Variants in GFRAL observed in about 807,000 individuals in gnomAD.
The protein encoded by GFRAL is GDNF family receptor alpha-like.
Under a neutral mutation model 45.4 loss-of-function variants are expected in GFRAL, and 36 were observed. That is an observed-to-expected ratio of 0.79 (90% confidence interval 0.61 to 1.05). GFRAL has a LOEUF of 1.05. Among genes scored for constraint, GFRAL ranks in the 50% least tolerant of loss-of-function variants. The pLI is 0.00. For synonymous variants in GFRAL, 166 were observed against 154.1 expected, an observed-to-expected ratio of 1.08 and a Z score of -0.57; for missense variants, 507 against 467.5, an observed-to-expected ratio of 1.08 and a Z score of -0.78.
intron 3 of GFRAL, among the ~76,000 whole-genome samples, chr6:55,338,749 T>G (rs1009452418): frequency 6.6e-6 from 1 of 152,134 alleles, no homozygotes; most frequent in Non-Finnish European, 1.5e-5. Flanking sequence ...GGGGAGCATT[T>G]GGGGAGCAAC....
chr6:55,346,177 C>G (rs1229627470), intron 3 of GFRAL, among the ~76,000 whole-genome samples: 1 of 152,116 alleles, frequency 6.6e-6, no homozygotes, highest in African/African-American at 2.4e-5. Context: ...TTGACCCAAC[C>G]ATCCCATTAC....
intron 8 of GFRAL, among the ~76,000 whole-genome samples, chr6:55,401,181 T>A (rs1357887680): frequency 1.3e-5 from 2 of 152,204 alleles, no homozygotes; most frequent in African/African-American, 2.4e-5. Flanking sequence ...TTATTCATAC[T>A]ATTAAATATA....
chr6:55,384,304 ACAATAAAACATCCCCAGACT>A (rs1768652241), intron 6 of GFRAL, among the ~76,000 whole-genome samples: 1 of 151,964 alleles, frequency 6.6e-6, no homozygotes, highest in Non-Finnish European at 1.5e-5. Context: ...TTATCCCCAC[ACAATAAAACATCCCCAGACT>A]CAAGAGAAAG....
intron 6 of GFRAL, among the ~76,000 whole-genome samples, chr6:55,380,714 C>T (rs1768597190): frequency 6.6e-6 from 1 of 151,926 alleles, no homozygotes; most frequent in Admixed American, 6.6e-5. Context: ...GCCTGCTTCA[C>T]TCCAGTGCCC....
intron 6 of GFRAL, among the ~76,000 whole-genome samples, chr6:55,372,713 CTT>C (rs1768468262): frequency 6.6e-6 from 1 of 152,178 alleles, no homozygotes; most frequent in African/African-American, 2.4e-5. Context: ...CACGGCCACA[CTT>C]ATCTCCAGGG....
chr6:55,333,942 CAGGT>C lies in GFRAL; in HGVS notation c.316_316+3del. On this transcript the variant is annotated splice_donor_variant and coding_sequence_variant, in exon 3 of 9. Transcript: ENST00000340465. LOFTEE classifies it high-confidence loss of function. ...CTTGGAAAAAAATGTATCAATAAAT[CAGGT>C]AATATTTTGTTTTAAGAAATGTTTA... 8 of 1,509,422 alleles carry C rather than the reference CAGGT, an allele frequency of 5.3e-6. No individual in the cohort carries two copies. The highest frequency in any genetic ancestry group is 7.1e-6 in the Non-Finnish European group (8 of 1,121,020). The allele number at this position is 1,509,422 out of a possible 1,614,324, so 93.5% of individuals were successfully genotyped here. A position where few individuals can be genotyped will look rare whatever the true frequency, so the allele number is the denominator to read the frequency against.
intron 6 of GFRAL, among the ~76,000 whole-genome samples, chr6:55,378,330 C>A (rs1768561963): frequency 6.6e-6 from 1 of 152,044 alleles, no homozygotes; most frequent in Admixed American, 6.6e-5. Context: ...GCATCACTAC[C>A]TCTTTCAAGT....
At chr6:55,332,127 A>G (rs115643553) in intron 2 of GFRAL, among the ~76,000 whole-genome samples, 1,988 of 152,272 alleles carry the variant, frequency 0.013, 23 homozygotes, top group Non-Finnish European at 0.022. Context: ...AATTTTATGC[A>G]TTCTTCTGAG....
chr6:55,376,384 A>AG (rs1249442708), intron 6 of GFRAL, among the ~76,000 whole-genome samples: 2 of 152,134 alleles, frequency 1.3e-5, no homozygotes, highest in East Asian at 3.9e-4. Context: ...AGAGTAAGTT[A>AG]GGGAGGAGTC....
intron 3 of GFRAL, among the ~76,000 whole-genome samples, chr6:55,346,076 C>A (rs1768037293): frequency 2.0e-5 from 3 of 152,306 alleles, no homozygotes; most frequent in Admixed American, 2.0e-4. Context: ...AATAGGAACA[C>A]TTTTACACTG....
intron 3 of GFRAL, among the ~76,000 whole-genome samples, chr6:55,348,757 C>T (rs780748391): frequency 3.9e-5 from 6 of 152,042 alleles, no homozygotes; most frequent in South Asian, 2.1e-4. Context: ...TAACTGCACA[C>T]GGAGATTATG....
At chr6:55,369,320 C>G in intron 6 of GFRAL, among the ~76,000 whole-genome samples, 1 of 152,164 alleles carries the variant, frequency 6.6e-6, no homozygotes, top group Non-Finnish European at 1.5e-5. Flanking sequence ...GTGCGCGCAC[C>G]CACTGACCTG....
At chr6:55,359,811 A>C (rs1768249601) in intron 6 of GFRAL, among the ~76,000 whole-genome samples, 1 of 151,984 alleles carries the variant, frequency 6.6e-6, no homozygotes, top group Admixed American at 6.6e-5. Context: ...TATTTCACTG[A>C]ACAAAGCAAA....
chr6:55,355,371 C>G (rs1768177690), intron 5 of GFRAL, among the ~76,000 whole-genome samples: 1 of 151,914 alleles, frequency 6.6e-6, no homozygotes, highest in Admixed American at 6.6e-5. Flanking sequence ...AAAGAAAATT[C>G]TCAAATGTTT....
chr6:55,359,348 T>G (rs2127357371), intron 6 of GFRAL, among the ~76,000 whole-genome samples: 1 of 149,074 alleles, frequency 6.7e-6, no homozygotes, highest in Admixed American at 6.6e-5. Context: ...TTTTAAAAAT[T>G]TATATGATAG....
rs562621727 is a variant in GFRAL, at chr6:55,393,802, A to G, written c.953-5378A>G. 6.6e-5 allele frequency among the ~76,000 whole-genome samples: 10 copies of G among 152,306 alleles called. No individual in the cohort carries two copies. In the South Asian group the frequency reaches 2.1e-3, roughly 32 times the overall value. The stretch of plus-strand genomic sequence containing the variant: ...TGATAGAGGCTTTAGGATTTCATTT[A>G]AGTTCAGTGAGAGGCTATTTAAAGA... On this transcript the variant is annotated intron_variant, in intron 6 of 8. Coordinates refer to ENST00000340465, the MANE Select transcript of GFRAL (RefSeq NM_207410.2).
At chr6:55,400,766 T>G (rs1768885848) in intron 8 of GFRAL, among the ~76,000 whole-genome samples, 1 of 152,138 alleles carries the variant, frequency 6.6e-6, no homozygotes, top group African/African-American at 2.4e-5. Flanking sequence ...AAAATAGCAT[T>G]TGGAATTTAT....
At chr6:55,396,924 G>C (rs955003319) in intron 6 of GFRAL, among the ~76,000 whole-genome samples, 2 of 144,946 alleles carry the variant, frequency 1.4e-5, no homozygotes, top group Non-Finnish European at 3.0e-5. Flanking sequence ...TTTTCACCCA[G>C]GCTGGAGTGT....
chr6:55,368,821 T>C (rs1768404782), intron 6 of GFRAL, among the ~76,000 whole-genome samples: 1 of 152,194 alleles, frequency 6.6e-6, no homozygotes, highest in Non-Finnish European at 1.5e-5. Context: ...AGCTGCGTGC[T>C]GGGGGAACCA....
Sources: allele counts gnomAD v4.1 joint callset (sites outside exome capture counted in the v4.1 genomes callset), GRCh38; gene constraint gnomAD v4.1.1; transcripts MANE v1.5; gene names NCBI Gene and HGNC (gene_info 2026-07-23, HGNC 2026-07-21).